NAALADL2: variants seen among roughly 807,000 people sequenced by gnomAD.
NAALADL2 encodes N-acetylated alpha-linked acidic dipeptidase like 2.
In NAALADL2, 76 loss-of-function variants were observed where a neutral mutation model predicts 87.2. The ratio of observed to expected loss-of-function variants is 0.87; its 90% CI spans 0.72 to 1.05. The LOEUF is 1.05. Ranked by LOEUF, NAALADL2 falls within the 50% of genes least tolerant of loss-of-function variation. The pLI, the probability that NAALADL2 is intolerant of heterozygous loss-of-function variation, is 0.00. For missense variants in NAALADL2, 1,089 were observed against 945.8 expected (o/e 1.15, Z -1.99); for synonymous variants, 354 against 331.0 (o/e 1.07, Z -0.75).
intron 2 of NAALADL2, among the ~76,000 whole-genome samples, chr3:175,108,517 C>A (rs1475407804): frequency 6.6e-6 from 1 of 151,902 alleles, no homozygotes; most frequent in Non-Finnish European, 1.5e-5. Context: ...GGTGATTTTA[C>A]CTTCAAGAAA....
At chr3:175,702,918 A>G (rs951387149) in intron 11 of NAALADL2, among the ~76,000 whole-genome samples, 2 of 151,096 alleles carry the variant, frequency 1.3e-5, no homozygotes, top group African/African-American at 4.9e-5. Context: ...GAGGAAAAGA[A>G]AAAAAAAAGG....
intron 3 of NAALADL2, among the ~76,000 whole-genome samples, chr3:174,747,967 A>G (rs1238660434): frequency 1.3e-5 from 2 of 152,202 alleles, no homozygotes; most frequent in African/African-American, 4.8e-5. Flanking sequence ...TACACCATGG[A>G]ATACTATGCA....
At chr3:174,445,857 T>C (rs1368424796) in intron 1 of NAALADL2, among the ~76,000 whole-genome samples, 1 of 152,152 alleles carries the variant, frequency 6.6e-6, no homozygotes, top group Non-Finnish European at 1.5e-5. Flanking sequence ...CCTTGACCTC[T>C]CTGATCTGCT....
At chr3:175,702,301 G>C (rs191302962) in intron 11 of NAALADL2, among the ~76,000 whole-genome samples, 22 of 152,108 alleles carry the variant, frequency 1.4e-4, no homozygotes, top group Middle Eastern at 3.4e-3. Context: ...ATTTATAAAA[G>C]GAATTTTCAC....
At chr3:175,207,492 G>C (rs921905923) in intron 2 of NAALADL2, among the ~76,000 whole-genome samples, 1 of 151,956 alleles carries the variant, frequency 6.6e-6, no homozygotes, top group African/African-American at 2.4e-5. Flanking sequence ...CTATTTTTCA[G>C]GATTAGACAT....
rs1447030887 is a variant in NAALADL2, at chr3:175,442,432, C to CTTATTTTAA, written c.1091-4795_1091-4787dup. Among the ~76,000 whole-genome samples, 45 of 152,298 alleles carry CTTATTTTAA rather than the reference C, an allele frequency of 3.0e-4. 1 individual carries two copies. Among genetic ancestry groups the CTTATTTTAA allele is most frequent in the Non-Finnish European group, 7.4e-5 (5 of 68,026 alleles). On this transcript the variant is annotated intron_variant, in intron 5 of 13. Coordinates refer to ENST00000454872, the MANE Select transcript of NAALADL2 (RefSeq NM_207015.3). ...GGATGTACAATTAGAACACAACTTA[C>CTTATTTTAA]TTATTTTAATGCTAATTTCTTCTAA...
chr3:175,683,992 T>C (rs1478646153), intron 11 of NAALADL2, among the ~76,000 whole-genome samples: 3 of 152,112 alleles, frequency 2.0e-5, no homozygotes, highest in African/African-American at 7.2e-5. Context: ...TATTACTGTT[T>C]GTTGTAACAT....
chr3:175,023,365 T>C (rs1751811380), intron 1 of NAALADL2, among the ~76,000 whole-genome samples: 1 of 152,112 alleles, frequency 6.6e-6, no homozygotes, highest in African/African-American at 2.4e-5. Flanking sequence ...ATAAATAGCA[T>C]TTATTCAATA....
chr3:175,008,811 C>T (rs1365312505), intron 1 of NAALADL2, among the ~76,000 whole-genome samples: 1 of 151,612 alleles, frequency 6.6e-6, no homozygotes, highest in African/African-American at 2.4e-5. Flanking sequence ...TTGGTCCAGC[C>T]ATCATTTTTT....
intron 5 of NAALADL2, among the ~76,000 whole-genome samples, chr3:175,421,252 A>G (rs1208421521): frequency 4.6e-5 from 7 of 152,036 alleles, no homozygotes. Context: ...ACCAACTTAT[A>G]GATGCTCTAC....
At chr3:174,670,523 A>G (rs1726432262) in intron 2 of NAALADL2, among the ~76,000 whole-genome samples, 1 of 152,020 alleles carries the variant, frequency 6.6e-6, no homozygotes, top group Admixed American at 6.6e-5. Context: ...ATCAACACAA[A>G]TTTATTAAGT....
chr3:175,714,950 A>G (rs1741034243), intron 11 of NAALADL2, among the ~76,000 whole-genome samples: 1 of 152,188 alleles, frequency 6.6e-6, no homozygotes, highest in Admixed American at 6.6e-5. Context: ...CCTAGGCAAT[A>G]CCATTCAGGA....
chr3:174,893,455 TA>T (rs1731113444), intron 1 of NAALADL2, among the ~76,000 whole-genome samples: 1 of 152,136 alleles, frequency 6.6e-6, no homozygotes, highest in Admixed American at 6.5e-5. Context: ...GTAGAAAGAC[TA>T]AATGAGGAAC....
chr3:175,723,466 G>A (rs776601493), intron 11 of NAALADL2, among the ~76,000 whole-genome samples: 1 of 152,038 alleles, frequency 6.6e-6, no homozygotes, highest in Non-Finnish European at 1.5e-5. Context: ...ATACTTTTTG[G>A]TGATGGTGGT....
At chr3:175,123,366 A>C (rs1205272466) in intron 2 of NAALADL2, among the ~76,000 whole-genome samples, 1 of 151,976 alleles carries the variant, frequency 6.6e-6, no homozygotes, top group Non-Finnish European at 1.5e-5. Flanking sequence ...GTCCCAAGTC[A>C]TGATTTCTGT....
intron 1 of NAALADL2, among the ~76,000 whole-genome samples, chr3:174,901,541 G>A (rs1732299963): frequency 1.3e-5 from 2 of 152,156 alleles, no homozygotes; most frequent in South Asian, 4.1e-4. Context: ...TTAATGTGAA[G>A]CCAAATGGGA....
chr3:175,380,586 AT>A (rs1187808852), intron 5 of NAALADL2, among the ~76,000 whole-genome samples: 1 of 152,226 alleles, frequency 6.6e-6, no homozygotes, highest in Non-Finnish European at 1.5e-5. Context: ...AATAAAGAAA[AT>A]AATACAAACT....
intron 1 of NAALADL2, among the ~76,000 whole-genome samples, chr3:175,064,238 G>A (rs1320093235): frequency 1.4e-5 from 2 of 147,100 alleles, no homozygotes; most frequent in African/African-American, 5.1e-5. Context: ...TTACTCTTGG[G>A]GAAAAGAAGA....
At chr3:175,058,565 AATG>A (rs1321996673) in intron 1 of NAALADL2, among the ~76,000 whole-genome samples, 1 of 152,070 alleles carries the variant, frequency 6.6e-6, no homozygotes, top group East Asian at 1.9e-4. Context: ...AAAATGGAGG[AATG>A]ATAAGTCGGG....
Sources: allele counts gnomAD v4.1 joint callset (sites outside exome capture counted in the v4.1 genomes callset), GRCh38; gene constraint gnomAD v4.1.1; transcripts MANE v1.5; gene names NCBI Gene and HGNC (gene_info 2026-07-23, HGNC 2026-07-21).